ZBTB38: variants seen among roughly 807,000 people sequenced by gnomAD.
ZBTB38 encodes the protein zinc finger and BTB domain-containing protein 38.
In ZBTB38, 20 loss-of-function variants were observed where a neutral mutation model predicts 76.8. The observed-to-expected ratio is 0.26, with a 90% confidence interval of 0.18 to 0.38. The LOEUF is 0.38. Ranked by LOEUF, ZBTB38 falls within the 10% of genes least tolerant of loss-of-function variation. ZBTB38 has a pLI of 1.00. For synonymous variants in ZBTB38, 504 were observed against 544.2 expected (o/e 0.93, Z 1.03); for missense variants, 1,082 against 1,482.3 (o/e 0.73, Z 4.43).
At chr3:141,388,038 A>G (rs766980055) in intron 4 of ZBTB38, 1 of 152,232 alleles carries the variant, frequency 6.6e-6, no homozygotes, top group Non-Finnish European at 1.5e-5. Context: ...AGCCTCTGCT[A>G]TTCAGATAGT....
intron 4 of ZBTB38, chr3:141,392,833 C>T (rs1949296832): frequency 6.6e-6 from 1 of 152,204 alleles, no homozygotes; most frequent in African/African-American, 2.4e-5. Flanking sequence ...GGGGGGTCTC[C>T]ATGCTGGCTG....
intron 4 of ZBTB38, among the ~76,000 whole-genome samples, chr3:141,398,350 T>C (rs1367740147): frequency 6.6e-6 from 1 of 152,168 alleles, no homozygotes; most frequent in Non-Finnish European, 1.5e-5. Context: ...ATTATAAAAG[T>C]AGTATATCCC....
At chr3:141,435,793 A>T (rs982000459) in intron 5 of ZBTB38, among the ~76,000 whole-genome samples, 9 of 152,120 alleles carry the variant, frequency 5.9e-5, no homozygotes, top group Non-Finnish European at 1.3e-4. Flanking sequence ...AATATATTTT[A>T]AAAGCTATTC....
At chr3:141,349,317 G>A (rs559910139) in intron 1 of ZBTB38, among the ~76,000 whole-genome samples, 6 of 152,270 alleles carry the variant, frequency 3.9e-5, no homozygotes, top group African/African-American at 1.4e-4. Context: ...ACTGCAATTA[G>A]TACATTATAT....
At chr3:141,367,807 A>C (rs1252350830), upstream of ZBTB38, 1 of 152,222 alleles carries the variant, frequency 6.6e-6, no homozygotes, top group African/African-American at 2.4e-5. Flanking sequence ...TGTTCACTCT[A>C]AGTATTTAAT....
At position 141,442,861 on chromosome 3, in the gene ZBTB38, T is replaced by C. The variant is rs201941878; in HGVS notation, c.473T>C (p.Ile158Thr). The stretch of plus-strand genomic sequence containing the variant: ...GAAAAAAGGCATGAAGAACCAGCCA[T>C]CACTAATGGGCCAAGGATCACAAAT... ...KNEKRHEEPA[I>T]TNGPRITNAF... The change falls in exon 6 of 6, where the codon ATC becomes ACC. Residue 158 changes from isoleucine (I) to threonine (T), a missense_variant. This residue lies in a region of ZBTB38 where 2 missense variants were observed against 16.6 expected (regional missense o/e 0.12). Transcript: ENST00000321464. The surrounding 1 kb of genome is among the most constrained non-coding windows in gnomAD (Gnocchi z 6.4). The C allele has an allele frequency of 2.5e-6, 4 of 1,614,198 alleles. No homozygotes were observed. Among genetic ancestry groups the C allele is most frequent in the Non-Finnish European group, 3.4e-6 (4 of 1,180,022 alleles).
At position 141,444,672 on chromosome 3, in the gene ZBTB38, G is replaced by A; in HGVS notation, c.2284G>A (p.Asp762Asn). The change falls in exon 6 of 6, where the codon GAT becomes AAT. Residue 762 changes from aspartate to asparagine, a missense_variant. Asp to Asn is a conservative substitution (Grantham distance 23). Coordinates refer to ENST00000321464, the MANE Select transcript of ZBTB38 (RefSeq NM_001376113.1). The surrounding 1 kb of genome is among the most constrained non-coding windows in gnomAD (Gnocchi z 5.1). ...SLKDDSKPEPDKVGRFASRPK... is the reference protein window; with the variant it reads ...SLKDDSKPEPNKVGRFASRPK... ...GAAAGATGACAGTAAGCCCGAGCCA[G>A]ATAAAGTGGGTAGGTTTGCAAGCAG... The A allele has an allele frequency of 6.2e-7, 1 of 1,614,070 alleles. No individual in the cohort carries two copies. Among genetic ancestry groups the A allele is most frequent in the East Asian group, 2.2e-5 (1 of 44,874 alleles).
intron 5 of ZBTB38, among the ~76,000 whole-genome samples, chr3:141,435,013 G>T (rs1433899869): frequency 6.6e-6 from 1 of 151,940 alleles, no homozygotes; most frequent in Non-Finnish European, 1.5e-5. Context: ...CATGTCTGTT[G>T]TCCCAGCTAC....
At chr3:141,364,003 T>A (rs1390541312), upstream of ZBTB38, among the ~76,000 whole-genome samples, 1 of 152,184 alleles carries the variant, frequency 6.6e-6, no homozygotes. Flanking sequence ...TAAAAACTTT[T>A]ATGCTTCAAA....
At chr3:141,349,193 C>T (rs1943452287) in intron 1 of ZBTB38, among the ~76,000 whole-genome samples, 1 of 152,094 alleles carries the variant, frequency 6.6e-6, no homozygotes, top group Admixed American at 6.6e-5. Context: ...AATGAGGTGG[C>T]CCCAAAAATG....
intron 5 of ZBTB38, among the ~76,000 whole-genome samples, chr3:141,407,938 A>C (rs1955183563): frequency 6.6e-6 from 1 of 152,200 alleles, no homozygotes; most frequent in South Asian, 2.1e-4. Context: ...CCCACCCCGC[A>C]TCATCTCATT....
At chr3:141,339,395 A>T (rs1488938427) in intron 1 of ZBTB38, among the ~76,000 whole-genome samples, 3 of 152,190 alleles carry the variant, frequency 2.0e-5, no homozygotes, top group African/African-American at 7.2e-5. Context: ...AAGTTTTTAG[A>T]GAATCATCCT....
At chr3:141,394,380 A>G (rs962389230) in intron 4 of ZBTB38, 2 of 152,074 alleles carry the variant, frequency 1.3e-5, no homozygotes, top group Non-Finnish European at 2.9e-5. Context: ...GGGTCCCCTT[A>G]CCACCACTCC....
intron 1 of ZBTB38, among the ~76,000 whole-genome samples, chr3:141,325,422 A>G (rs1425469236): frequency 6.6e-6 from 1 of 152,202 alleles, no homozygotes; most frequent in East Asian, 1.9e-4. Context: ...GTTCATTGCA[A>G]AAGAACCCAC....
intron 5 of ZBTB38, chr3:141,425,969 A>T: frequency 2.1e-5 from 7 of 331,896 alleles, no homozygotes; most frequent in East Asian, 8.7e-5. Flanking sequence ...AGTGTGTAGA[A>T]CGGTGCAGAG....
intron 4 of ZBTB38, among the ~76,000 whole-genome samples, chr3:141,391,040 G>A (rs907480841): frequency 1.3e-5 from 2 of 152,056 alleles, no homozygotes; most frequent in South Asian, 4.2e-4. Flanking sequence ...TGCACCTGTA[G>A]TCCTAGCTAT....
chr3:141,443,328 G>A lies in ZBTB38; in HGVS notation c.940G>A (p.Gly314Arg), dbSNP rs1056852766. The A allele has an allele frequency of 1.2e-6, 2 of 1,614,054 alleles. No individual in the cohort carries two copies. The highest frequency in any genetic ancestry group is 1.3e-5 in the African/African-American group (1 of 74,904). The change falls in exon 6 of 6, where the codon GGA (glycine) becomes AGA (arginine). Residue 314 changes from glycine (G) to arginine (R), a missense_variant. Gly to Arg is a moderately radical substitution (Grantham distance 125). This residue lies in a region of ZBTB38 where 324 missense variants were observed against 359.1 expected (regional missense o/e 0.90). Coordinates refer to ENST00000321464, the MANE Select transcript of ZBTB38 (RefSeq NM_001376113.1). The surrounding 1 kb of genome is among the most constrained non-coding windows in gnomAD (Gnocchi z 5.6). ...LTRSKSPNNE[G>R]DVHFSREDEN... The stretch of plus-strand genomic sequence containing the variant: ...TCGTTCAAAATCTCCAAACAATGAA[G>A]GAGATGTCCATTTTTCCAGGGAAGA...
chr3:141,442,517 A>G lies in ZBTB38; in HGVS notation c.129A>G (p.Lys43=). Residue 43 remains lysine (K), a synonymous_variant, in exon 6 of 6, where the codon AAA becomes AAG. Transcript: ENST00000321464. The surrounding 1 kb of genome is among the most constrained non-coding windows in gnomAD (Gnocchi z 6.4). ...CDVTIIVEDT[K]FKAHSNVLAA... ...TCACTATCATTGTGGAAGATACCAA[A>G]TTTAAAGCCCATAGCAATGTTCTGG... is the stretch of plus-strand genomic sequence containing the variant. 6.2e-7 allele frequency: 1 copy of G among 1,614,210 alleles called. No homozygotes were observed. Among genetic ancestry groups the G allele is most frequent in the Non-Finnish European group, 8.5e-7 (1 of 1,180,030 alleles).
chr3:141,431,341 A>AAAAAAAAATATATATATAT, intron 5 of ZBTB38, among the ~76,000 whole-genome samples: 20 of 103,276 alleles, frequency 1.9e-4, no homozygotes, highest in East Asian at 6.0e-4. Flanking sequence ...AAAAAAAAAA[A>AAAAAAAAATATATATATAT]ATATATATAT....
Sources: gnomAD v4.1 joint callset for allele counts (sites outside exome capture counted in the v4.1 genomes callset) on GRCh38, gnomAD v4.1.1 for gene constraint, gnomAD v4.1.1 regional missense constraint, Gnocchi (gnomAD v3.1) non-coding constraint, MANE v1.5 for transcripts, NCBI Gene and HGNC (gene_info 2026-07-23, HGNC 2026-07-21) for gene names.